Variants in LINGO2 observed in about 807,000 individuals in gnomAD.
LINGO2 encodes the protein leucine-rich repeat and immunoglobulin-like domain-containing nogo receptor-interacting protein 2.
In LINGO2, 14 loss-of-function variants were observed where a neutral mutation model predicts 30.6. The observed-to-expected ratio is 0.46, with a 90% CI of 0.30 to 0.72. The LOEUF (loss-of-function observed/expected upper bound fraction) is 0.72. Ranked by LOEUF, LINGO2 falls within the 30% of genes least tolerant of loss-of-function variation. The pLI is 0.07. For missense variants in LINGO2, 729 were observed against 751.7 expected (o/e 0.97, Z 0.35); for synonymous variants, 317 against 288.5 (o/e 1.10, Z -1.00).
chr9:27,994,951 G>T (rs1005331880), intron 5 of LINGO2, among the ~76,000 whole-genome samples: 1 of 152,030 alleles, frequency 6.6e-6, no homozygotes, highest in Admixed American at 6.6e-5. Context: ...TGCCTTCAAT[G>T]AATTCTTTTT....
intron 4 of LINGO2, among the ~76,000 whole-genome samples, chr9:28,293,995 A>C (rs1369961935): frequency 3.9e-5 from 6 of 152,214 alleles, no homozygotes; most frequent in Non-Finnish European, 8.8e-5. Context: ...AAGACAAAAA[A>C]ATTATTCACC....
the LINGO2 span, among the ~76,000 whole-genome samples, chr9:29,127,763 T>C: frequency 6.6e-5 from 10 of 152,122 alleles, no homozygotes; most frequent in Non-Finnish European, 7.4e-5. Flanking sequence ...GGGGAAGGAC[T>C]CTTTTCTGTC....
intron 2 of LINGO2, among the ~76,000 whole-genome samples, chr9:28,442,646 T>C (rs1029540512): frequency 1.3e-5 from 2 of 152,158 alleles, no homozygotes; most frequent in African/African-American, 4.8e-5. Flanking sequence ...TTTTTAAACA[T>C]GGACTCTCTT....
intron 5 of LINGO2, among the ~76,000 whole-genome samples, chr9:28,000,965 CA>C (rs1217144497): frequency 1.3e-5 from 2 of 152,314 alleles, no homozygotes; most frequent in African/African-American, 4.8e-5. Context: ...TTATTTCTGT[CA>C]AGACAATTCC....
the LINGO2 span, among the ~76,000 whole-genome samples, chr9:29,047,366 G>C: frequency 2.6e-5 from 4 of 152,048 alleles, no homozygotes; most frequent in African/African-American, 9.7e-5. Context: ...CCATCTCACA[G>C]CAGTCAGAAT....
At chr9:28,965,791 A>G in the LINGO2 span, among the ~76,000 whole-genome samples, 5 of 152,258 alleles carry the variant, frequency 3.3e-5, no homozygotes, top group Non-Finnish European at 5.9e-5. Flanking sequence ...CTGATCAAAC[A>G]CAAAGTAACT....
the LINGO2 span, among the ~76,000 whole-genome samples, chr9:29,054,682 T>A: frequency 6.6e-6 from 1 of 152,176 alleles, no homozygotes; most frequent in Non-Finnish European, 1.5e-5. Flanking sequence ...ACTCTTGTCC[T>A]TGAGGCTTTT....
chr9:28,166,433 A>G (rs1049634893), intron 4 of LINGO2, among the ~76,000 whole-genome samples: 2 of 152,184 alleles, frequency 1.3e-5, no homozygotes, highest in African/African-American at 4.8e-5. Flanking sequence ...GTGCACAGCT[A>G]TGAGACATTC....
the LINGO2 span, among the ~76,000 whole-genome samples, chr9:29,047,110 C>T: frequency 1.5e-5 from 2 of 134,570 alleles, no homozygotes; most frequent in Non-Finnish European, 3.3e-5. Context: ...TAAACAGACA[C>T]CTACAGAATG....
the LINGO2 span, among the ~76,000 whole-genome samples, chr9:28,757,882 C>A: frequency 6.6e-6 from 1 of 152,034 alleles, no homozygotes; most frequent in African/African-American, 2.4e-5. Context: ...GGCATTCAAG[C>A]CAAACTTCAT....
At chr9:28,724,600 AG>A in the LINGO2 span, among the ~76,000 whole-genome samples, 1 of 152,132 alleles carries the variant, frequency 6.6e-6, no homozygotes, top group Non-Finnish European at 1.5e-5. Context: ...TAAATAGGAA[AG>A]GGAACATGAA....
intron 4 of LINGO2, among the ~76,000 whole-genome samples, chr9:28,189,315 GGA>G (rs1819676026): frequency 1.3e-5 from 1 of 74,700 alleles, no homozygotes; most frequent in East Asian, 3.7e-4. Context: ...GAGGAAGGAA[GGA>G]AGGAAGGGAG....
chr9:28,578,165 G>T (rs552016014), intron 1 of LINGO2, among the ~76,000 whole-genome samples: 4 of 152,268 alleles, frequency 2.6e-5, no homozygotes, highest in African/African-American at 9.6e-5. Context: ...TATACATGAT[G>T]AAGAAGGGTC....
chr9:28,754,351 T>C, the LINGO2 span, among the ~76,000 whole-genome samples: 1 of 152,076 alleles, frequency 6.6e-6, no homozygotes, highest in Non-Finnish European at 1.5e-5. Flanking sequence ...TGTCTGATGC[T>C]AAAATTCTAG....
At chr9:28,712,629 T>C in the LINGO2 span, among the ~76,000 whole-genome samples, 16 of 151,760 alleles carry the variant, frequency 1.1e-4, no homozygotes, top group Admixed American at 7.9e-4. Context: ...TTAAATAAAC[T>C]AGACATATAC....
At chr9:28,164,772 T>C (rs538829456) in intron 4 of LINGO2, among the ~76,000 whole-genome samples, 2 of 152,310 alleles carry the variant, frequency 1.3e-5, no homozygotes, top group East Asian at 3.9e-4. Context: ...TATTGGTGTC[T>C]TCCCGGTTGG....
intron 4 of LINGO2, among the ~76,000 whole-genome samples, chr9:28,102,357 AAC>A (rs2133318276): frequency 6.6e-6 from 1 of 152,216 alleles, no homozygotes; most frequent in Non-Finnish European, 1.5e-5. Flanking sequence ...CTGATTGAAA[AAC>A]ACAAACCAGA....
At chr9:28,275,431 C>T (rs1823083380) in intron 4 of LINGO2, among the ~76,000 whole-genome samples, 1 of 152,074 alleles carries the variant, frequency 6.6e-6, no homozygotes, top group Admixed American at 6.6e-5. Flanking sequence ...CTCTTCACAG[C>T]CTTTTAAATC....
At chr9:29,080,759 T>C in the LINGO2 span, among the ~76,000 whole-genome samples, 4 of 152,154 alleles carry the variant, frequency 2.6e-5, no homozygotes, top group African/African-American at 9.6e-5. Context: ...CGGTTTTGAG[T>C]GAGTTTCTTA....
Sources: allele counts gnomAD v4.1 joint callset (sites outside exome capture counted in the v4.1 genomes callset), GRCh38; gene constraint gnomAD v4.1.1; transcripts MANE v1.5; gene names NCBI Gene and HGNC (gene_info 2026-07-23, HGNC 2026-07-21).